Variants in KIFC3 observed in about 807,000 individuals in gnomAD.
KIFC3 encodes the protein kinesin-like protein KIFC3.
Under a neutral mutation model 101.8 loss-of-function variants are expected in KIFC3, and 60 were observed. The observed-to-expected ratio is 0.59, with a 90% CI of 0.48 to 0.73. The LOEUF is 0.73. KIFC3 is among the 30% of genes least tolerant of loss of function. The pLI is 0.00. For synonymous variants in KIFC3, 476 were observed against 482.7 expected (o/e 0.99, Z 0.18); for missense variants, 966 against 1,137.1 (o/e 0.85, Z 2.16).
chr16:57,767,010 CAG>C, intron 9 of KIFC3, 25 bp from the exon 10 acceptor site: 2 of 1,575,580 alleles, frequency 1.3e-6, no homozygotes, highest in South Asian at 2.2e-5. Context: ...ACACCACTGT[CAG>C]GGGGACGGCT....
chr16:57,854,263 T>C (rs2056118556), intron 1 of KIFC3, among the ~76,000 whole-genome samples: 1 of 152,134 alleles, frequency 6.6e-6, no homozygotes, highest in Non-Finnish European at 1.5e-5. Flanking sequence ...AATTGAATTT[T>C]TGAAAAAACT....
intron 1 of KIFC3, among the ~76,000 whole-genome samples, chr16:57,845,456 G>T (rs1405778748): frequency 3.3e-5 from 5 of 152,170 alleles, no homozygotes; most frequent in Admixed American, 3.3e-4. Context: ...CCAAGGTTCT[G>T]CAGTGGCCCT....
In KIFC3 at chr16:57,825,646, T is replaced by G. The variant is rs1453374823; in HGVS notation, c.109-27364A>C. Reference sequence around the variant, plus strand: ...GGTTCTTTGGAAAACAATTCTGAGGTTGTTTTCTTTTCTTTTTTGTTTTTT... The same window carrying G: ...GGTTCTTTGGAAAACAATTCTGAGGGTGTTTTCTTTTCTTTTTTGTTTTTT... On this transcript the variant is annotated intron_variant, in intron 1 of 2. Transcript: ENST00000563028. 2.0e-5 allele frequency among the ~76,000 whole-genome samples: 3 copies of G among 152,068 alleles called. No homozygotes were observed. The East Asian group carries it at 5.8e-4, about 29-fold the overall frequency.
chr16:57,758,605 C>T lies in KIFC3; in HGVS notation c.*329G>A, dbSNP rs540709410. On this transcript the variant is annotated 3_prime_UTR_variant, in exon 20 of 20. Coordinates refer to ENST00000445690, the MANE Select transcript of KIFC3 (RefSeq NM_001130100.2). Reference sequence around the variant, plus strand: ...GGGCCGAGAAAGCCTGGGTGAGAGGCCCACCCTCCTCCACACTCCCGCCCT... The same window carrying T: ...GGGCCGAGAAAGCCTGGGTGAGAGGTCCACCCTCCTCCACACTCCCGCCCT... 1.4e-6 allele frequency: 1 copy of T among 689,994 alleles called. No individual in the cohort carries two copies. Among genetic ancestry groups the T allele is most frequent in the East Asian group, 2.7e-5 (1 of 36,384 alleles). The allele number at this position is 689,994 out of a possible 1,614,324, so 42.7% of individuals were successfully genotyped here.
intron 1 of KIFC3, among the ~76,000 whole-genome samples, chr16:57,820,578 C>T (rs577814841): frequency 6.6e-6 from 1 of 152,330 alleles, no homozygotes; most frequent in East Asian, 1.9e-4. Context: ...TGTGCCCAGC[C>T]CAGAGTGATC....
At chr16:57,795,459 G>A (rs2054212483) in intron 2 of KIFC3, among the ~76,000 whole-genome samples, 1 of 152,214 alleles carries the variant, frequency 6.6e-6, no homozygotes, top group Non-Finnish European at 1.5e-5. Context: ...CAGGGAAGTG[G>A]AAGGAAGCCA....
intron 1 of KIFC3, among the ~76,000 whole-genome samples, chr16:57,811,107 A>T (rs1370056556): frequency 6.6e-6 from 1 of 152,238 alleles, no homozygotes; most frequent in African/African-American, 2.4e-5. Context: ...CAAGGGCAGG[A>T]GCATCCCACC....
intron 1 of KIFC3, among the ~76,000 whole-genome samples, chr16:57,800,253 T>C (rs1178060410): frequency 6.6e-6 from 1 of 152,158 alleles, no homozygotes; most frequent in African/African-American, 2.4e-5. Flanking sequence ...TTCCTTGACT[T>C]AGAACAACTA....
chr16:57,860,368 A>T (rs193338), intron 1 of KIFC3, among the ~76,000 whole-genome samples: 1 of 152,176 alleles, frequency 6.6e-6, no homozygotes, highest in Non-Finnish European at 1.5e-5. Context: ...CAGGAGAATC[A>T]CTTGAACTTG....
At chr16:57,806,856 C>G (rs2054949042), upstream of KIFC3, among the ~76,000 whole-genome samples, 1 of 152,192 alleles carries the variant, frequency 6.6e-6, no homozygotes, top group Non-Finnish European at 1.5e-5. Flanking sequence ...CAATTAGCTG[C>G]TTTTTTGAAT....
chr16:57,797,714 C>T (rs1166670787), intron 2 of KIFC3: 18 of 1,156,952 alleles, frequency 1.6e-5, no homozygotes, highest in Admixed American at 4.6e-5. Flanking sequence ...CCTTGTTTAC[C>T]AGCCTGGGCA....
intron 3 of KIFC3, among the ~76,000 whole-genome samples, chr16:57,793,604 A>AT (rs1568040748): frequency 1.5e-5 from 2 of 131,370 alleles, no homozygotes; most frequent in Non-Finnish European, 3.1e-5. Flanking sequence ...AAAAAAAAAA[A>AT]CAAAAAAAGA....
At chr16:57,825,636 A>G (rs1306672941) in intron 1 of KIFC3, among the ~76,000 whole-genome samples, 1 of 152,074 alleles carries the variant, frequency 6.6e-6, no homozygotes, top group Non-Finnish European at 1.5e-5. Flanking sequence ...TTTGGAAAAC[A>G]ATTCTGAGGT....
chr16:57,764,030 G>A (rs1014812217), intron 12 of KIFC3, 113 bp downstream of exon 12: 5 of 777,350 alleles, frequency 6.4e-6, no homozygotes, highest in African/African-American at 1.7e-5. Flanking sequence ...CTCCTGGGTT[G>A]TGAGGACCAA....
intron 1 of KIFC3, among the ~76,000 whole-genome samples, chr16:57,843,025 C>T (rs1407284050): frequency 5.3e-5 from 8 of 151,988 alleles, no homozygotes; most frequent in East Asian, 3.9e-4. Context: ...CCCAGCTACT[C>T]GGGAGGCTGA....
Position 57,759,506 on chromosome 16 carries a change from T to C in KIFC3, c.2476+222A>G. The stretch of plus-strand genomic sequence containing the variant: ...CTGAGAGGCTGGGGTCTCCTTACAC[T>C]GCCCCCTTCCCACAGACCTTCCATT... On this transcript the variant is annotated intron_variant, in intron 18 of 19. Transcript: ENST00000445690. The C allele has an allele frequency of 6.9e-6, 4 of 579,486 alleles. 1 individual carries two copies. In the Admixed American group the frequency reaches 1.3e-4, roughly 18 times the overall value. 35.9% of individuals were successfully genotyped at this position (579,486 alleles called of 1,614,324 possible). A position where few individuals can be genotyped will look rare whatever the true frequency, so the allele number is the denominator to read the frequency against.
chr16:57,829,481 C>G (rs1276184545), intron 1 of KIFC3, among the ~76,000 whole-genome samples: 1 of 152,196 alleles, frequency 6.6e-6, no homozygotes, highest in African/African-American at 2.4e-5. Flanking sequence ...TCTTGAACTC[C>G]TGGGCTCCAG....
At chr16:57,792,773 A>T (rs1477090796) in intron 3 of KIFC3, among the ~76,000 whole-genome samples, 2 of 145,862 alleles carry the variant, frequency 1.4e-5, no homozygotes, top group Admixed American at 7.1e-5. Flanking sequence ...AGTCCCAGCT[A>T]CTCAGGAGGC....
At chr16:57,837,740 G>C (rs1296934440) in intron 1 of KIFC3, among the ~76,000 whole-genome samples, 16 of 152,132 alleles carry the variant, frequency 1.1e-4, no homozygotes, top group African/African-American at 3.9e-4. Flanking sequence ...CATAATTGAA[G>C]GGGTTGGTAC....
Sources: gnomAD v4.1 joint callset for allele counts (sites outside exome capture counted in the v4.1 genomes callset) on GRCh38, gnomAD v4.1.1 for gene constraint, MANE v1.5 for transcripts, NCBI Gene and HGNC (gene_info 2026-07-23, HGNC 2026-07-21) for gene names.